The following ADCY9 variants were observed in gnomAD, a reference collection of about 807,000 sequenced individuals.
The protein encoded by ADCY9 is adenylate cyclase type 9.
A neutral mutation model predicts 101.5 loss-of-function variants in ADCY9; 50 were observed. That is an observed-to-expected ratio of 0.49 (90% CI 0.39 to 0.62). The LOEUF is 0.62. Ranked by LOEUF, ADCY9 falls within the 20% of genes least tolerant of loss-of-function variation. ADCY9 has a pLI of 0.00. For missense variants in ADCY9, 1,662 were observed against 1,800.4 expected (o/e 0.92, Z 1.39); for synonymous variants, 905 against 769.3 (o/e 1.18, Z -2.92).
intron 2 of ADCY9, among the ~76,000 whole-genome samples, chr16:4,064,639 AT>A (rs544099695): frequency 6.1e-4 from 92 of 151,712 alleles, no homozygotes; most frequent in Non-Finnish European, 1.1e-3. Context: ...TGCCCAGCTA[AT>A]TTTTTTAATT....
At chr16:4,022,351 G>A (rs2056482570) in intron 2 of ADCY9, among the ~76,000 whole-genome samples, 1 of 152,048 alleles carries the variant, frequency 6.6e-6, no homozygotes, top group Non-Finnish European at 1.5e-5. Flanking sequence ...AATTAGCCAG[G>A]CCTGGTGGCC....
intron 3 of ADCY9, among the ~76,000 whole-genome samples, chr16:3,999,998 T>A (rs1406839436): frequency 6.6e-6 from 1 of 152,178 alleles, no homozygotes; most frequent in Non-Finnish European, 1.5e-5. Context: ...TTCTCAGAAA[T>A]GAGGAGGATA....
At chr16:3,960,763 T>C (rs181975106), downstream of ADCY9, among the ~76,000 whole-genome samples, 12 of 152,300 alleles carry the variant, frequency 7.9e-5, no homozygotes, top group Admixed American at 1.3e-4. Flanking sequence ...GATACGAGAA[T>C]TCCCTAAGCT....
intron 2 of ADCY9, among the ~76,000 whole-genome samples, chr16:4,071,621 G>C (rs1380067234): frequency 6.6e-6 from 1 of 152,090 alleles, no homozygotes; most frequent in Non-Finnish European, 1.5e-5. Flanking sequence ...GAAAAATTTA[G>C]ATTCTAGCCT....
chr16:4,011,185 G>A (rs960607061), intron 2 of ADCY9, among the ~76,000 whole-genome samples: 4 of 152,132 alleles, frequency 2.6e-5, no homozygotes, highest in Non-Finnish European at 5.9e-5. Flanking sequence ...AGGCAGGGGG[G>A]TTACTAGAAC....
At chr16:4,055,985 C>G (rs1459510090) in intron 2 of ADCY9, among the ~76,000 whole-genome samples, 1 of 152,184 alleles carries the variant, frequency 6.6e-6, no homozygotes, top group Non-Finnish European at 1.5e-5. Context: ...CTGCGCGTCT[C>G]TGGCAAGCGG....
At chr16:4,030,147 C>G (rs1291971504) in intron 2 of ADCY9, among the ~76,000 whole-genome samples, 3 of 152,130 alleles carry the variant, frequency 2.0e-5, no homozygotes, top group African/African-American at 7.2e-5. Flanking sequence ...CTCAATAATT[C>G]CCCTTCTAGA....
intron 2 of ADCY9, among the ~76,000 whole-genome samples, chr16:4,040,187 C>T (rs547633417): frequency 6.6e-6 from 1 of 152,268 alleles, no homozygotes; most frequent in East Asian, 1.9e-4. Flanking sequence ...ATTCAGTGGA[C>T]ATTTATACTC....
At chr16:3,991,235 A>T (rs2056241174) in intron 5 of ADCY9, among the ~76,000 whole-genome samples, 1 of 152,238 alleles carries the variant, frequency 6.6e-6, no homozygotes, top group South Asian at 2.1e-4. Flanking sequence ...CTTATTAGTC[A>T]TAAGAGGAAT....
chr16:4,051,972 A>T (rs1367460709), intron 2 of ADCY9, among the ~76,000 whole-genome samples: 2 of 152,152 alleles, frequency 1.3e-5, no homozygotes, highest in Non-Finnish European at 2.9e-5. Context: ...CAACAAATTA[A>T]TTTTACAGTG....
intron 2 of ADCY9, among the ~76,000 whole-genome samples, chr16:4,074,804 G>A (rs763444194): frequency 2.8e-4 from 42 of 151,856 alleles, no homozygotes; most frequent in Non-Finnish European, 4.4e-4. Flanking sequence ...AAAGCAGTTC[G>A]GTATTTCTTT....
chr16:4,021,924 C>G (rs971018875), intron 2 of ADCY9, among the ~76,000 whole-genome samples: 2 of 152,220 alleles, frequency 1.3e-5, no homozygotes, highest in African/African-American at 4.8e-5. Context: ...CCCTATCAGA[C>G]CCCATGGCTC....
intron 2 of ADCY9, among the ~76,000 whole-genome samples, chr16:4,061,020 G>A (rs1363071945): frequency 6.6e-6 from 1 of 151,950 alleles, no homozygotes; most frequent in Non-Finnish European, 1.5e-5. Flanking sequence ...CTAATAAAGA[G>A]ACAGAAATTA....
rs540433636 is a variant in ADCY9 at position 3,993,361 on chromosome 16, C to T, written c.1989+45G>A. ...ACAGGAATGTCACCTTGGGTGGATGCGCCAGGAGAGGAACTGACAGGAACA... is the reference window on the plus strand; with the variant it reads ...ACAGGAATGTCACCTTGGGTGGATGTGCCAGGAGAGGAACTGACAGGAACA... On this transcript the variant is annotated intron_variant, in intron 4 of 10. Transcript: ENST00000294016. 13 of 1,603,798 alleles carry T rather than the reference C, an allele frequency of 8.1e-6. No homozygotes were observed. In the East Asian group the frequency reaches 1.8e-4, roughly 22 times the overall value.
intron 2 of ADCY9, among the ~76,000 whole-genome samples, chr16:4,078,360 G>A (rs1171645793): frequency 2.0e-5 from 3 of 152,104 alleles, no homozygotes; most frequent in African/African-American, 7.2e-5. Flanking sequence ...TCAGAAGTTT[G>A]AGACCAGACT....
chr16:4,110,274 C>T (rs1364934316), intron 2 of ADCY9, among the ~76,000 whole-genome samples: 3 of 151,946 alleles, frequency 2.0e-5, no homozygotes, highest in Non-Finnish European at 4.4e-5. Context: ...ATTGAAGAGG[C>T]AGGCAGTGTT....
chr16:4,062,633 T>C (rs950004721), intron 2 of ADCY9, among the ~76,000 whole-genome samples: 4 of 152,170 alleles, frequency 2.6e-5, no homozygotes, highest in Non-Finnish European at 4.4e-5. Context: ...TGAGCTATGA[T>C]TGTGCCACTG....
Position 3,992,258 on chromosome 16 carries a change from T to C in ADCY9, c.2095A>G (p.Lys699Glu). The C allele has an allele frequency of 1.2e-6, 2 of 1,614,054 alleles. 1 individual carries two copies. The highest frequency in any genetic ancestry group is 2.2e-5 in the South Asian group (2 of 91,076). The change falls in exon 5 of 11, where the codon AAG becomes GAG. Residue 699 changes from lysine to glutamate, a missense_variant. Physicochemically the swap from Lys to Glu is moderately conservative, Grantham distance 56. Coordinates refer to ENST00000294016, the MANE Select transcript of ADCY9 (RefSeq NM_001116.4). The surrounding 1 kb of genome is among the most constrained non-coding windows in gnomAD (Gnocchi z 4.2). ...AGGCTCACCCCTGCCCACCTTCCCT[T>C]CTCCTGCAAGATCTCACACAGAGAA... ...QTSLCEILQE[K>E]GRWAGVSLDQ... is the part of the protein sequence containing the mutation.
intron 2 of ADCY9, among the ~76,000 whole-genome samples, chr16:4,043,851 G>T (rs2056644205): frequency 6.6e-6 from 1 of 152,112 alleles, no homozygotes; most frequent in Non-Finnish European, 1.5e-5. Flanking sequence ...AAAAAGAGAA[G>T]GAGAAGAAAA....
Sources: gnomAD v4.1 joint callset for allele counts (sites outside exome capture counted in the v4.1 genomes callset) on GRCh38, gnomAD v4.1.1 for gene constraint, Gnocchi (gnomAD v3.1) non-coding constraint, MANE v1.5 for transcripts, NCBI Gene and HGNC (gene_info 2026-07-23, HGNC 2026-07-21) for gene names.